CLUL1: variants seen among roughly 807,000 people sequenced by gnomAD.
The protein encoded by CLUL1 is clusterin-like protein 1.
Under a neutral mutation model 49.4 loss-of-function variants are expected in CLUL1, and 43 were observed. The ratio of observed to expected loss-of-function variants is 0.87; its 90% CI spans 0.68 to 1.12. CLUL1 has a LOEUF of 1.12. CLUL1 is among the 50% of genes most tolerant of loss of function. The pLI is 0.00. For synonymous variants in CLUL1, 192 were observed against 184.9 expected (o/e 1.04, Z -0.31); for missense variants, 486 against 544.4 (o/e 0.89, Z 1.07).
At chr18:639,184 T>G (rs1451342521) in intron 7 of CLUL1, among the ~76,000 whole-genome samples, 1 of 151,950 alleles carries the variant, frequency 6.6e-6, no homozygotes, top group Non-Finnish European at 1.5e-5. Context: ...CCCAGCATTT[T>G]GGGAGGCCAA....
Position 627,313 on chromosome 18 carries a change from C to G in CLUL1, c.640C>G (p.Gln214Glu), listed in dbSNP as rs550555452. The change falls in exon 6 of 10, where the codon CAA becomes GAA. Residue 214 changes from glutamine to glutamate, a missense_variant. Coordinates refer to ENST00000692774, the MANE Select transcript of CLUL1 (RefSeq NM_001393344.1). ...GCAGCAAGAGTTTGACCAGACTTTT[C>G]AATCACATTTCATATCAGATACAGA... ...QMQQEFDQTF[Q>E]SHFISDTDLT... The G allele has an allele frequency of 8.7e-6, 14 of 1,614,004 alleles. No homozygotes were observed. The Admixed American group carries it at 2.3e-4, about 27-fold the overall frequency.
rs574658464 is a variant in CLUL1 at position 635,308 on chromosome 18, A to G, written c.994+1873A>G. 5.3e-5 allele frequency among the ~76,000 whole-genome samples: 8 copies of G among 152,240 alleles called. 1 individual carries two copies. Among genetic ancestry groups the G allele is most frequent in the Middle Eastern group, 6.8e-3 (2 of 294 alleles). ...GGAGCGCTCAACCTAGACCCTTTGC[A>G]TGCACAGTTCACAATAGGGTTTGTG... is the stretch of plus-strand genomic sequence containing the variant. On this transcript the variant is annotated intron_variant, in intron 7 of 9. Transcript: ENST00000692774.
rs147222654 is a variant in CLUL1, at chr18:629,560, T to C, written c.856+2031T>C. Among the ~76,000 whole-genome samples, 284 of 152,312 alleles carry C rather than the reference T, an allele frequency of 1.9e-3. 1 individual carries two copies. Among genetic ancestry groups the C allele is most frequent in the Non-Finnish European group, 3.2e-3 (216 of 68,022 alleles). On this transcript the variant is annotated intron_variant, in intron 6 of 9. Coordinates refer to ENST00000692774, the MANE Select transcript of CLUL1 (RefSeq NM_001393344.1). ...ATAGGTTTCCACTGTCTGCCACCAT[T>C]GCCTTCTCATTCACACAGCTGGGGG...
At chr18:648,059 A>T (rs919348145) in intron 9 of CLUL1, among the ~76,000 whole-genome samples, 10 of 152,248 alleles carry the variant, frequency 6.6e-5, no homozygotes, top group African/African-American at 2.2e-4. Flanking sequence ...CAAGAGTAAC[A>T]GTAGGCGAAG....
intron 9 of CLUL1, among the ~76,000 whole-genome samples, chr18:646,900 C>T (rs984681778): frequency 2.0e-5 from 3 of 151,974 alleles, no homozygotes; most frequent in African/African-American, 7.3e-5. Context: ...CAGGCGCACA[C>T]CACCATGCCT....
Position 650,138 on chromosome 18 carries a change from G to A in CLUL1, c.*237G>A. 2.9e-6 allele frequency: 1 copy of A among 350,028 alleles called. No individual in the cohort carries two copies. The highest frequency in any genetic ancestry group is 5.1e-6 in the Non-Finnish European group (1 of 194,906). 21.7% of individuals were successfully genotyped at this position (350,028 alleles called of 1,614,324 possible). On this transcript the variant is annotated 3_prime_UTR_variant, in exon 10 of 10. Transcript: ENST00000692774. Reference sequence around the variant, plus strand: ...AAACGTAATATGTATTACATTTCATGGTACATTAGTAGTTCTTTGTATATT... The same window carrying A: ...AAACGTAATATGTATTACATTTCATAGTACATTAGTAGTTCTTTGTATATT...
intron 8 of CLUL1, 82 bp downstream of exon 8, chr18:641,623 C>A: frequency 8.2e-7 from 1 of 1,226,558 alleles, no homozygotes; most frequent in South Asian, 1.4e-5. Context: ...TGAATTGTGT[C>A]TGAATTTGAA....
At chr18:636,818 G>T (rs576808543) in intron 7 of CLUL1, among the ~76,000 whole-genome samples, 6 of 151,102 alleles carry the variant, frequency 4.0e-5, no homozygotes, top group Admixed American at 3.3e-4. Context: ...GTAGAGATGG[G>T]GTTTCACCAT....
chr18:601,412 G>C (rs948270634), intron 1 of CLUL1, among the ~76,000 whole-genome samples: 1 of 152,160 alleles, frequency 6.6e-6, no homozygotes, highest in Non-Finnish European at 1.5e-5. Context: ...GGAGGCTGAG[G>C]TGGTTGGATC....
Position 641,369 on chromosome 18 carries a change from C to A in CLUL1, c.1037C>A (p.Ala346Glu), listed in dbSNP as rs747816044. 6.2e-7 allele frequency: 1 copy of A among 1,614,126 alleles called. No homozygotes were observed. The highest frequency in any genetic ancestry group is 1.3e-5 in the African/African-American group (1 of 75,024). ...VPALHTELDEAIRLVNVSNQQ... is the reference protein window; with the variant it reads ...VPALHTELDEEIRLVNVSNQQ... Reference sequence around the variant, plus strand: ...GCTCTGCACACAGAATTAGACGAGGCGATCAGGTTGGTCAATGTATCCAAT... The same window carrying A: ...GCTCTGCACACAGAATTAGACGAGGAGATCAGGTTGGTCAATGTATCCAAT... Residue 346 changes from alanine to glutamate, a missense_variant, in exon 8 of 10, where the codon GCG (alanine) becomes GAG (glutamate). Coordinates refer to ENST00000692774, the MANE Select transcript of CLUL1 (RefSeq NM_001393344.1).
intron 1 of CLUL1, among the ~76,000 whole-genome samples, chr18:600,938 G>T (rs1169462347): frequency 3.3e-5 from 5 of 152,144 alleles, no homozygotes; most frequent in Admixed American, 6.5e-5. Flanking sequence ...AGGACTCAGG[G>T]TTTCCCAGGC....
At chr18:611,650 T>G (rs2073138399) in intron 2 of CLUL1, among the ~76,000 whole-genome samples, 1 of 151,836 alleles carries the variant, frequency 6.6e-6, no homozygotes, top group Admixed American at 6.6e-5. Flanking sequence ...ATAAAAGAAG[T>G]TGGAGAGGTA....
intron 4 of CLUL1, among the ~76,000 whole-genome samples, chr18:623,605 AC>A (rs1317275767): frequency 7.0e-6 from 1 of 143,038 alleles, no homozygotes; most frequent in Non-Finnish European, 1.5e-5. Context: ...AGATTGCACC[AC>A]TGCACTCCAG....
intron 4 of CLUL1, among the ~76,000 whole-genome samples, chr18:623,670 G>C (rs933014142): frequency 8.0e-6 from 1 of 124,790 alleles, no homozygotes; most frequent in African/African-American, 3.1e-5. Flanking sequence ...AAAAAAAAAA[G>C]ATGTAAGATT....
intron 2 of CLUL1, among the ~76,000 whole-genome samples, chr18:614,960 A>G (rs1487788948): frequency 1.3e-5 from 2 of 152,222 alleles, no homozygotes; most frequent in Non-Finnish European, 2.9e-5. Flanking sequence ...CCATGCATCT[A>G]AGATGCTCTG....
chr18:634,077 C>CT (rs1419028561), intron 7 of CLUL1, among the ~76,000 whole-genome samples: 1 of 152,092 alleles, frequency 6.6e-6, no homozygotes, highest in Non-Finnish European at 1.5e-5. Context: ...CCTCCAAGCA[C>CT]TTTTTTGCAG....
At chr18:613,971 A>C (rs2073217877) in intron 2 of CLUL1, among the ~76,000 whole-genome samples, 1 of 152,236 alleles carries the variant, frequency 6.6e-6, no homozygotes, top group South Asian at 2.1e-4. Flanking sequence ...TGTGAATAAT[A>C]ATCACAGAAC....
chr18:610,775 G>A lies in CLUL1; in HGVS notation c.-14+3676G>A, dbSNP rs574801609. 2.6e-5 allele frequency among the ~76,000 whole-genome samples: 4 copies of A among 152,268 alleles called. No individual in the cohort carries two copies. The South Asian group carries it at 8.3e-4, about 32-fold the overall frequency. On this transcript the variant is annotated intron_variant, in intron 2 of 9. Coordinates refer to ENST00000692774, the MANE Select transcript of CLUL1 (RefSeq NM_001393344.1). ...TCCAAGGCTGGGGGAGGTGGCTCACGCCTGTAATCCCCACACCTTGAGAGG... is the reference window on the plus strand; with the variant it reads ...TCCAAGGCTGGGGGAGGTGGCTCACACCTGTAATCCCCACACCTTGAGAGG...
At chr18:610,525 A>G (rs1487849137) in intron 2 of CLUL1, among the ~76,000 whole-genome samples, 2 of 152,184 alleles carry the variant, frequency 1.3e-5, no homozygotes, top group Non-Finnish European at 2.9e-5. Context: ...CAGCCGGTAG[A>G]AGGTTGTCTT....
Sources: gnomAD v4.1 joint callset for allele counts (sites outside exome capture counted in the v4.1 genomes callset) on GRCh38, gnomAD v4.1.1 for gene constraint, MANE v1.5 for transcripts, NCBI Gene and HGNC (gene_info 2026-07-23, HGNC 2026-07-21) for gene names.